GRM8: variants seen among roughly 807,000 people sequenced by gnomAD.
GRM8 encodes glutamate metabotropic receptor 8, also known as metabotropic glutamate receptor 8.
GRM8 carries 47 observed loss-of-function variants against 87.2 expected under a neutral mutation model. That is an observed-to-expected ratio of 0.54 (90% CI 0.43 to 0.69). The LOEUF (loss-of-function observed/expected upper bound fraction) is 0.69, where lower values mean the gene tolerates loss of function less well. Among genes scored for constraint, GRM8 ranks in the 30% least tolerant of loss-of-function variants. The probability of loss-of-function intolerance (pLI) is 0.00; values close to 1 mark genes in which losing one functional copy is unlikely to be tolerated. For missense variants in GRM8, 1,019 were observed against 1,139.2 expected (o/e 0.89, Z 1.52); for synonymous variants, 396 against 404.5 (o/e 0.98, Z 0.25).
intron 8 of GRM8, among the ~76,000 whole-genome samples, chr7:126,607,349 T>A (rs1048810219): frequency 2.6e-5 from 4 of 152,192 alleles, no homozygotes; most frequent in Admixed American, 2.6e-4. Flanking sequence ...AGAAAATAAA[T>A]CATAATCTCC....
chr7:126,439,207 A>C (rs1340001476), intron 10 of GRM8, 39 bp from the exon 11 acceptor site: 1 of 1,053,058 alleles, frequency 9.5e-7, no homozygotes, highest in African/African-American at 1.6e-5. Flanking sequence ...ATAGTATATA[A>C]TAATACATCC....
At chr7:126,752,366 G>A (rs1484929648) in intron 7 of GRM8, among the ~76,000 whole-genome samples, 1 of 152,102 alleles carries the variant, frequency 6.6e-6, no homozygotes, top group Non-Finnish European at 1.5e-5. Flanking sequence ...GATGTAGTTT[G>A]CTATGCTATA....
intron 9 of GRM8, among the ~76,000 whole-genome samples, chr7:126,467,284 A>G (rs1804614489): frequency 6.6e-6 from 1 of 151,858 alleles, no homozygotes; most frequent in Admixed American, 6.6e-5. Flanking sequence ...TTCGTTGCTG[A>G]GTCTTCAAGA....
intron 6 of GRM8, among the ~76,000 whole-genome samples, chr7:126,847,830 T>C (rs1046930299): frequency 6.6e-6 from 1 of 152,170 alleles, no homozygotes; most frequent in Non-Finnish European, 1.5e-5. Context: ...ATCAACTGTA[T>C]GTTGCATGAG....
chr7:126,498,768 C>T (rs1212730180), intron 9 of GRM8, among the ~76,000 whole-genome samples: 1 of 151,898 alleles, frequency 6.6e-6, no homozygotes, highest in Non-Finnish European at 1.5e-5. Flanking sequence ...AAGACAAGCT[C>T]TAATGGACAT....
chr7:126,604,856 T>C (rs1798192485), intron 8 of GRM8, among the ~76,000 whole-genome samples: 2 of 152,210 alleles, frequency 1.3e-5, no homozygotes, highest in South Asian at 4.1e-4. Flanking sequence ...TTCAAAATTA[T>C]TAATTCAGTT....
chr7:126,928,249 T>C (rs1805360932), intron 3 of GRM8, among the ~76,000 whole-genome samples: 1 of 151,334 alleles, frequency 6.6e-6, no homozygotes, highest in Non-Finnish European at 1.5e-5. Flanking sequence ...AGGGGAGGGA[T>C]AGCATTAGGA....
intron 2 of GRM8, among the ~76,000 whole-genome samples, chr7:127,172,144 G>A (rs1793839806): frequency 6.6e-6 from 1 of 152,170 alleles, no homozygotes; most frequent in Admixed American, 6.5e-5. Flanking sequence ...TTATTGGTAA[G>A]TGTAAACTTT....
chr7:126,807,223 G>A (rs1253883326), intron 6 of GRM8, among the ~76,000 whole-genome samples: 1 of 152,046 alleles, frequency 6.6e-6, no homozygotes, highest in East Asian at 1.9e-4. Flanking sequence ...TTTATGTACT[G>A]TCATTGCAGT....
At chr7:126,687,281 C>CTGGGATA (rs1184191650) in intron 7 of GRM8, among the ~76,000 whole-genome samples, 1 of 152,154 alleles carries the variant, frequency 6.6e-6, no homozygotes, top group African/African-American at 2.4e-5. Flanking sequence ...ACAGTGTATT[C>CTGGGATA]CTAAACCTTT....
At chr7:126,547,594 A>C (rs1431569546) in intron 8 of GRM8, among the ~76,000 whole-genome samples, 1 of 152,026 alleles carries the variant, frequency 6.6e-6, no homozygotes, top group Non-Finnish European at 1.5e-5. Flanking sequence ...AATCTCCCAG[A>C]AATTTAAGCA....
rs186586313 is a variant in GRM8 at position 126,871,362 on chromosome 7, T to C, written c.1156+31180A>G. Among the ~76,000 whole-genome samples the C allele has an allele frequency of 2.6e-5, 4 of 152,352 alleles. No homozygotes were observed. The East Asian group carries it at 7.7e-4, about 29-fold the overall frequency. On this transcript the variant is annotated intron_variant, in intron 6 of 10. Transcript: ENST00000339582. ...AATGTTAAGTACTTTTCTGAAATAC[T>C]GAGTCTTTATAGACGTTCCGGAGTG...
At chr7:126,681,081 AG>A (rs1807512732) in intron 7 of GRM8, among the ~76,000 whole-genome samples, 1 of 152,242 alleles carries the variant, frequency 6.6e-6, no homozygotes, top group Non-Finnish European at 1.5e-5. Context: ...AACAGTAAGT[AG>A]GTAGAGAAAA....
chr7:126,451,182 C>T (rs1013953938), intron 9 of GRM8, among the ~76,000 whole-genome samples: 5 of 151,882 alleles, frequency 3.3e-5, no homozygotes, highest in African/African-American at 7.2e-5. Context: ...TCACTCCCTT[C>T]GGTGCCTGAC....
intron 6 of GRM8, among the ~76,000 whole-genome samples, chr7:126,776,601 G>A (rs749054808): frequency 1.3e-5 from 2 of 152,090 alleles, no homozygotes; most frequent in Non-Finnish European, 1.5e-5. Flanking sequence ...TACCAATAAC[G>A]TGGTTGATCA....
chr7:126,890,487 T>A (rs1800889699), intron 6 of GRM8, among the ~76,000 whole-genome samples: 1 of 152,084 alleles, frequency 6.6e-6, no homozygotes. Context: ...ACTCTTTCCA[T>A]CTGTCACCTT....
At chr7:126,681,528 C>A (rs1041869469) in intron 7 of GRM8, among the ~76,000 whole-genome samples, 1 of 152,172 alleles carries the variant, frequency 6.6e-6, no homozygotes. Context: ...CATTATTATC[C>A]CTGGAGCTAT....
intron 3 of GRM8, among the ~76,000 whole-genome samples, chr7:127,105,924 T>G (rs1191617617): frequency 6.6e-6 from 1 of 151,924 alleles, no homozygotes. Context: ...AGGACAGACA[T>G]CAGCAGCACC....
chr7:127,008,987 C>T (rs1814605127), intron 3 of GRM8, among the ~76,000 whole-genome samples: 1 of 152,092 alleles, frequency 6.6e-6, no homozygotes, highest in East Asian at 1.9e-4. Flanking sequence ...TCATACACTT[C>T]ATTTGCATTC....
Sources: allele counts gnomAD v4.1 joint callset (sites outside exome capture counted in the v4.1 genomes callset), GRCh38; gene constraint gnomAD v4.1.1; transcripts MANE v1.5; gene names NCBI Gene and HGNC (gene_info 2026-07-23, HGNC 2026-07-21).